ATP11A: variants seen among roughly 807,000 people sequenced by gnomAD.
The protein encoded by ATP11A is ATPase phospholipid transporting 11A.
Under a neutral mutation model 154.4 loss-of-function variants are expected in ATP11A, and 81 were observed. The ratio of observed to expected loss-of-function variants is 0.52; its 90% confidence interval spans 0.44 to 0.63. The LOEUF is 0.63. Among genes scored for constraint, ATP11A ranks in the 30% least tolerant of loss-of-function variants. ATP11A has a pLI of 0.00. For missense variants in ATP11A, 1,316 were observed against 1,474.3 expected (o/e 0.89, Z 1.76); for synonymous variants, 623 against 585.9 (o/e 1.06, Z -0.91).
chr13:112,845,807 A>G (rs9550232), intron 17 of ATP11A, among the ~76,000 whole-genome samples: 16,056 of 79,500 alleles, frequency 0.2, 2,470 homozygotes, highest in African/African-American at 0.23. Flanking sequence ...GGCACTAGTG[A>G]TACTAACCAG....
chr13:112,857,782 CAG>C lies in ATP11A; in HGVS notation c.2419-32_2419-31del, dbSNP rs529315314. 1.6e-4 allele frequency: 238 copies of C among 1,534,224 alleles called. 1 individual carries two copies. The African/African-American group carries it at 2.8e-3, about 18-fold the overall frequency. On this transcript the variant is annotated intron_variant, in intron 20 of 29. Coordinates refer to ENST00000375645, the MANE Select transcript of ATP11A (RefSeq NM_015205.3). The stretch of plus-strand genomic sequence containing the variant: ...ATGAATAACCTGTTCAGAAGTGAAA[CAG>C]AGAAGATAAATTCCGCATTTCTTTC...
chr13:112,870,962 G>A (rs554335720), intron 25 of ATP11A, among the ~76,000 whole-genome samples: 125 of 152,310 alleles, frequency 8.2e-4, no homozygotes, highest in African/African-American at 2.6e-3. Context: ...CTGGCAGCTC[G>A]TGGGTCCCAC....
chr13:112,818,419 T>C (rs1337940118), intron 6 of ATP11A, among the ~76,000 whole-genome samples: 1 of 152,256 alleles, frequency 6.6e-6, no homozygotes, highest in Non-Finnish European at 1.5e-5. Flanking sequence ...CACTTGGTGA[T>C]GATGCAGTGA....
intron 6 of ATP11A, among the ~76,000 whole-genome samples, chr13:112,816,674 T>A (rs899826609): frequency 3.9e-5 from 6 of 152,136 alleles, no homozygotes; most frequent in Non-Finnish European, 8.8e-5. Context: ...GTACGTTGGG[T>A]TTTTGGACAG....
Position 112,862,332 on chromosome 13 carries a change from C to T in ATP11A, c.2856-108C>T, listed in dbSNP as rs185694935. On this transcript the variant is annotated intron_variant, in intron 24 of 29. Transcript: ENST00000375645. The stretch of plus-strand genomic sequence containing the variant: ...AAACTTGATGTTTACTGGCCGTGCA[C>T]ATCTTATCCCATGAAGACAACGTCC... The T allele has an allele frequency of 3.9e-3, 5,280 of 1,367,404 alleles. 16 individuals carry two copies. The highest frequency in any genetic ancestry group is 4.5e-3 in the Non-Finnish European group (4,499 of 999,778). The allele number at this position is 1,367,404 out of a possible 1,614,324, so 84.7% of individuals were successfully genotyped here.
rs1158999436 is a variant in ATP11A at position 112,865,159 on chromosome 13, C to T, written c.2991+2584C>T. On this transcript the variant is annotated intron_variant, in intron 25 of 29. Transcript: ENST00000375645. ...CCTGCGCAGTAATTCAGTGCAGGCC[C>T]GCGCAGCTTCCCAGCGGGGTCCATC... 2.0e-3 allele frequency among the ~76,000 whole-genome samples: 133 copies of T among 67,850 alleles called. 3 individuals carry two copies. Among genetic ancestry groups the T allele is most frequent in the African/African-American group, 2.3e-3 (40 of 17,152 alleles). 44.5% of individuals were successfully genotyped at this position (67,850 alleles called of 152,430 possible). A position where few individuals can be genotyped will look rare whatever the true frequency, so the allele number is the denominator to read the frequency against.
At chr13:112,724,314 A>G (rs1278793072) in intron 1 of ATP11A, among the ~76,000 whole-genome samples, 2 of 151,514 alleles carry the variant, frequency 1.3e-5, no homozygotes, top group Non-Finnish European at 2.9e-5. Flanking sequence ...GGGACCACCT[A>G]CACTTCTGAG....
At chr13:112,835,869 C>A (rs926748297) in intron 15 of ATP11A, among the ~76,000 whole-genome samples, 5 of 152,256 alleles carry the variant, frequency 3.3e-5, no homozygotes, top group African/African-American at 1.2e-4. Context: ...GGGAGGGAGT[C>A]GGTGCGTAGG....
chr13:112,695,993 T>C (rs774185251), intron 1 of ATP11A, among the ~76,000 whole-genome samples: 88 of 152,230 alleles, frequency 5.8e-4, no homozygotes, highest in Non-Finnish European at 1.1e-3. Context: ...AACAAAATGG[T>C]ACATCCCAGA....
Position 112,859,618 on chromosome 13 carries a change from A to AG in ATP11A, c.2727+172dup, listed in dbSNP as rs1211103248. On this transcript the variant is annotated intron_variant, in intron 23 of 29. Coordinates refer to ENST00000375645, the MANE Select transcript of ATP11A (RefSeq NM_015205.3). The surrounding 1 kb of genome is among the most constrained non-coding windows in gnomAD (Gnocchi z 4.3). Reference sequence around the variant, plus strand: ...CGGGGGTGAAGGGTCGGGCCTGGGGAGGGGGGCCACGGAGCTGAGGAGTTG... The same window carrying AG: ...CGGGGGTGAAGGGTCGGGCCTGGGGAGGGGGGGCCACGGAGCTGAGGAGTTG... Among the ~76,000 whole-genome samples, 1 of 147,240 alleles carries AG rather than the reference A, an allele frequency of 6.8e-6. No individual in the cohort carries two copies. The highest frequency in any genetic ancestry group is 6.7e-5 in the Admixed American group (1 of 14,852).
Position 112,753,491 on chromosome 13 carries a change from G to A in ATP11A, c.40-31644G>A, listed in dbSNP as rs1159815841. ...TTGCCAGCTTCTGGGCCTGCCTACC[G>A]CTGCTGGATGAGATGCCACGTCCTG... On this transcript the variant is annotated intron_variant, in intron 1 of 29. Transcript: ENST00000375645. This position sits in a 1 kb window ranked among gnomAD's most constrained non-coding sequence, Gnocchi z 4.1. 6.6e-6 allele frequency among the ~76,000 whole-genome samples: 1 copy of A among 152,210 alleles called. No homozygotes were observed. The highest frequency in any genetic ancestry group is 1.5e-5 in the Non-Finnish European group (1 of 68,044).
rs2080929436 is a variant in ATP11A at position 112,883,525 on chromosome 13, TC to T, written c.*1660del. ...CTCGACAGTAGGTATTTTTGGAAGC[TC>T]AGATTTCACCATTTGATTGTATAAT... is the stretch of plus-strand genomic sequence containing the variant. On this transcript the variant is annotated 3_prime_UTR_variant, in exon 30 of 30. Coordinates refer to ENST00000375645, the MANE Select transcript of ATP11A (RefSeq NM_015205.3). 1.2e-5 allele frequency: 3 copies of T among 251,810 alleles called. No individual in the cohort carries two copies. In the South Asian group the frequency reaches 5.2e-4, roughly 44 times the overall value. The allele number at this position is 251,810 out of a possible 1,614,324, so 15.6% of individuals were successfully genotyped here. A position where few individuals can be genotyped will look rare whatever the true frequency, so the allele number is the denominator to read the frequency against.
Position 112,875,681 on chromosome 13 carries a change from G to A in ATP11A, c.3162-95G>A. ...CCAAGCAACTCTCACTGACAAAAGTGTAAACTCCCTGAACAGACGGCCTCT... is the reference window on the plus strand; with the variant it reads ...CCAAGCAACTCTCACTGACAAAAGTATAAACTCCCTGAACAGACGGCCTCT... On this transcript the variant is annotated intron_variant, in intron 27 of 29. Coordinates refer to ENST00000375645, the MANE Select transcript of ATP11A (RefSeq NM_015205.3). This position sits in a 1 kb window ranked among gnomAD's most constrained non-coding sequence, Gnocchi z 4.1. 3.6e-6 allele frequency: 5 copies of A among 1,394,112 alleles called. No individual in the cohort carries two copies. The highest frequency in any genetic ancestry group is 4.9e-6 in the Non-Finnish European group (5 of 1,028,520). 86.4% of individuals were successfully genotyped at this position (1,394,112 alleles called of 1,614,324 possible).
chr13:112,817,712 A>G (rs2078683892), intron 6 of ATP11A, among the ~76,000 whole-genome samples: 1 of 152,224 alleles, frequency 6.6e-6, no homozygotes, highest in Admixed American at 6.5e-5. Context: ...GTTTGTCCAG[A>G]TGAAATGTTG....
At chr13:112,777,012 G>A (rs1373482163) in intron 1 of ATP11A, among the ~76,000 whole-genome samples, 3 of 152,170 alleles carry the variant, frequency 2.0e-5, no homozygotes, top group Non-Finnish European at 4.4e-5. Flanking sequence ...GCAGCGTCTT[G>A]CCCCTTGAGC....
At position 112,842,373 on chromosome 13, in the gene ATP11A, C is replaced by G. The variant is rs141899520; in HGVS notation, c.1803C>G (p.Asn601Lys). The G allele has an allele frequency of 1.2e-6, 2 of 1,603,344 alleles. No homozygotes were observed. Among genetic ancestry groups the G allele is most frequent in the African/African-American group, 1.3e-5 (1 of 74,922 alleles). ...VDQIRARVER[N>K]AVEGLRTLCV... Reference sequence around the variant, plus strand: ...AGATCCGAGCCAGAGTGGAGCGTAACGCAGTGGTGAGAGCCGGGCTGGGGA... The same window carrying G: ...AGATCCGAGCCAGAGTGGAGCGTAAGGCAGTGGTGAGAGCCGGGCTGGGGA... The change falls in exon 17 of 30, where the codon AAC becomes AAG. Residue 601 changes from asparagine to lysine, a missense_variant. This residue lies in a region of ATP11A where 876 missense variants were observed against 1,006.8 expected (regional missense o/e 0.87). Coordinates refer to ENST00000375645, the MANE Select transcript of ATP11A (RefSeq NM_015205.3).
At chr13:112,716,998 C>T (rs577292762) in intron 1 of ATP11A, among the ~76,000 whole-genome samples, 1 of 152,314 alleles carries the variant, frequency 6.6e-6, no homozygotes, top group South Asian at 2.1e-4. Context: ...GACCCACTGG[C>T]CTGCAGGGCC....
intron 1 of ATP11A, among the ~76,000 whole-genome samples, chr13:112,708,179 C>T (rs1887367422): frequency 6.6e-6 from 1 of 152,182 alleles, no homozygotes; most frequent in East Asian, 1.9e-4. Flanking sequence ...AACGCTTCCA[C>T]AACCAGCAGG....
intron 1 of ATP11A, among the ~76,000 whole-genome samples, chr13:112,701,435 T>G (rs972154009): frequency 5.3e-5 from 8 of 152,226 alleles, no homozygotes; most frequent in African/African-American, 1.9e-4. Context: ...CAAGTTCGCC[T>G]GACCTTTGAA....
Sources: gnomAD v4.1 joint callset for allele counts (sites outside exome capture counted in the v4.1 genomes callset) on GRCh38, gnomAD v4.1.1 for gene constraint, gnomAD v4.1.1 regional missense constraint, Gnocchi (gnomAD v3.1) non-coding constraint, MANE v1.5 for transcripts, NCBI Gene and HGNC (gene_info 2026-07-23, HGNC 2026-07-21) for gene names.